Variants in PTPRK observed in about 807,000 individuals in gnomAD.
The protein encoded by PTPRK is receptor-type tyrosine-protein phosphatase kappa.
A neutral mutation model predicts 178.0 loss-of-function variants in PTPRK; 75 were observed. The ratio of observed to expected loss-of-function variants is 0.42; its 90% confidence interval spans 0.35 to 0.51. The LOEUF (loss-of-function observed/expected upper bound fraction) is 0.51, where lower values mean the gene tolerates loss of function less well. Ranked by LOEUF, PTPRK falls within the 20% of genes least tolerant of loss-of-function variation. The pLI, the probability that PTPRK is intolerant of heterozygous loss-of-function variation, is 0.02. For missense variants in PTPRK, 1,441 were observed against 1,797.8 expected (o/e 0.80, Z 3.59); for synonymous variants, 637 against 620.6 (o/e 1.03, Z -0.39).
At chr6:128,038,068 T>C (rs1017395656) in intron 13 of PTPRK, among the ~76,000 whole-genome samples, 5 of 152,172 alleles carry the variant, frequency 3.3e-5, no homozygotes, top group African/African-American at 1.2e-4. Context: ...GGCATCATAG[T>C]GAACACTGAA....
chr6:128,007,102 T>C (rs1562423414), intron 14 of PTPRK, among the ~76,000 whole-genome samples: 1 of 150,848 alleles, frequency 6.6e-6, no homozygotes, highest in African/African-American at 2.4e-5. Flanking sequence ...TTTTAAGCTA[T>C]ACTTGATGAT....
intron 2 of PTPRK, among the ~76,000 whole-genome samples, chr6:128,353,576 A>C (rs934350368): frequency 6.6e-6 from 1 of 152,240 alleles, no homozygotes; most frequent in African/African-American, 2.4e-5. Context: ...GAATATCTAG[A>C]TTGAAAAAAC....
At chr6:128,014,208 GATAACAAAC>G (rs1779352436) in intron 13 of PTPRK, among the ~76,000 whole-genome samples, 1 of 151,554 alleles carries the variant, frequency 6.6e-6, no homozygotes, top group Non-Finnish European at 1.5e-5. Flanking sequence ...AGATGAACTT[GATAACAAAC>G]ATTTCTGAGT....
At chr6:128,133,445 T>C (rs1032076971) in intron 7 of PTPRK, among the ~76,000 whole-genome samples, 1 of 152,210 alleles carries the variant, frequency 6.6e-6, no homozygotes, top group Non-Finnish European at 1.5e-5. Context: ...ATATTTTAGA[T>C]TTCATTTTTT....
intron 7 of PTPRK, among the ~76,000 whole-genome samples, chr6:128,155,537 G>A (rs1054653499): frequency 6.6e-6 from 1 of 151,288 alleles, no homozygotes; most frequent in South Asian, 2.1e-4. Context: ...GATTATCAGC[G>A]ATATCAATTT....
rs867360611 is a variant in PTPRK, at chr6:128,088,466, C to A, written c.1465+1224G>T. On this transcript the variant is annotated intron_variant, in intron 8 of 29. Transcript: ENST00000368226. ...TAGAAGGGGGTGGAACCTCAGAGAT[C>A]ACTTAATTTAAGCCCTTCATTGAAA... Among the ~76,000 whole-genome samples the A allele has an allele frequency of 4.1e-4, 63 of 151,988 alleles. No individual in the cohort carries two copies. The Middle Eastern group carries it at 0.014, about 33-fold the overall frequency.
At chr6:128,052,592 C>T (rs1779201162) in intron 13 of PTPRK, among the ~76,000 whole-genome samples, 2 of 152,044 alleles carry the variant, frequency 1.3e-5, no homozygotes, top group Admixed American at 6.5e-5. Flanking sequence ...AAAAGTGATG[C>T]TGTGCTTTTC....
intron 1 of PTPRK, among the ~76,000 whole-genome samples, chr6:128,509,872 C>T (rs1224676490): frequency 2.0e-5 from 3 of 152,114 alleles, no homozygotes; most frequent in Admixed American, 6.6e-5. Flanking sequence ...AGCCCCTTCA[C>T]CTCATTCATA....
At chr6:128,370,177 C>T (rs1332818514) in intron 2 of PTPRK, among the ~76,000 whole-genome samples, 1 of 152,018 alleles carries the variant, frequency 6.6e-6, no homozygotes, top group African/African-American at 2.4e-5. Context: ...AGTGGTTCGA[C>T]GATAATAGCT....
intron 1 of PTPRK, among the ~76,000 whole-genome samples, chr6:128,413,077 T>C (rs569690972): frequency 1.3e-5 from 2 of 152,370 alleles, no homozygotes; most frequent in Admixed American, 6.5e-5. Context: ...ACAACCCATA[T>C]ATTTCCTCAG....
chr6:128,067,890 C>T (rs1214020061), intron 11 of PTPRK, 98 bp from the exon 12 acceptor site: 1 of 1,126,660 alleles, frequency 8.9e-7, no homozygotes, highest in African/African-American at 1.6e-5. Context: ...TATTAACACA[C>T]CACATTTCAA....
intron 1 of PTPRK, among the ~76,000 whole-genome samples, chr6:128,464,194 C>T (rs1409638974): frequency 6.6e-6 from 1 of 150,540 alleles, no homozygotes; most frequent in Non-Finnish European, 1.5e-5. Context: ...AAAAAATACA[C>T]AAAAAAAAAT....
intron 13 of PTPRK, among the ~76,000 whole-genome samples, chr6:128,032,200 C>G (rs914822520): frequency 6.6e-6 from 1 of 152,292 alleles, no homozygotes; most frequent in Non-Finnish European, 1.5e-5. Flanking sequence ...TTCAGATGCC[C>G]TTTGAGCCCT....
intron 6 of PTPRK, among the ~76,000 whole-genome samples, chr6:128,189,452 G>A (rs561773901): frequency 6.6e-6 from 1 of 151,656 alleles, no homozygotes; most frequent in East Asian, 1.9e-4. Flanking sequence ...TATTGGCCAG[G>A]CTGGTCTCAA....
chr6:128,121,439 T>G (rs1292672429), intron 7 of PTPRK, among the ~76,000 whole-genome samples: 2 of 152,092 alleles, frequency 1.3e-5, no homozygotes, highest in Non-Finnish European at 2.9e-5. Context: ...TGTGTGTGTG[T>G]GTGTGAGGCT....
Position 128,519,177 on chromosome 6 carries a change from C to T in PTPRK, c.100+1082G>A, listed in dbSNP as rs763376486. The T allele has an allele frequency of 8.5e-6, 4 of 472,740 alleles. No individual in the cohort carries two copies. Among genetic ancestry groups the T allele is most frequent in the Non-Finnish European group, 1.3e-5 (3 of 228,850 alleles). 29.3% of individuals were successfully genotyped at this position (472,740 alleles called of 1,614,324 possible). On this transcript the variant is annotated intron_variant, in intron 1 of 29. Transcript: ENST00000368226. This position sits in a 1 kb window ranked among gnomAD's most constrained non-coding sequence, Gnocchi z 4.3. ...TGGCCAGAAAAGTTGTCAGGACTGG[C>T]GGGAGGTAGACAAGTGCTCGGGAGC...
intron 3 of PTPRK, among the ~76,000 whole-genome samples, chr6:128,275,397 C>G (rs913671606): frequency 9.2e-5 from 14 of 151,860 alleles, no homozygotes; most frequent in Admixed American, 7.2e-4. Flanking sequence ...GTTTATTTAT[C>G]TATTTATAAC....
intron 7 of PTPRK, among the ~76,000 whole-genome samples, chr6:128,120,509 C>T (rs1450014043): frequency 2.0e-5 from 3 of 151,974 alleles, no homozygotes; most frequent in Non-Finnish European, 4.4e-5. Flanking sequence ...AGGTTAAATG[C>T]TAAGGAATTA....
intron 1 of PTPRK, among the ~76,000 whole-genome samples, chr6:128,411,210 T>TA (rs1014325057): frequency 5.3e-4 from 80 of 152,212 alleles, no homozygotes; most frequent in African/African-American, 1.9e-3. Context: ...CTTAAGTTTA[T>TA]AATCATAATC....
Sources: allele counts gnomAD v4.1 joint callset (sites outside exome capture counted in the v4.1 genomes callset), GRCh38; gene constraint gnomAD v4.1.1; non-coding constraint Gnocchi (gnomAD v3.1); transcripts MANE v1.5; gene names NCBI Gene and HGNC (gene_info 2026-07-23, HGNC 2026-07-21).